Variants in ALMS1 observed in about 807,000 individuals in gnomAD.
ALMS1 encodes ALMS1 centrosome and basal body associated protein, also known as centrosome-associated protein ALMS1.
A neutral mutation model predicts 352.2 loss-of-function variants in ALMS1; 271 were observed. The observed-to-expected ratio is 0.77, with a 90% CI of 0.70 to 0.85. The LOEUF (loss-of-function observed/expected upper bound fraction) is 0.85. ALMS1 is among the 40% of genes least tolerant of loss of function. The pLI, the probability that ALMS1 is intolerant of heterozygous loss-of-function variation, is 0.00. For missense variants in ALMS1, 5,445 were observed against 4,870.7 expected, an observed-to-expected ratio of 1.12 and a Z score of -3.51; for synonymous variants, 1,865 against 1,761.2, an observed-to-expected ratio of 1.06 and a Z score of -1.48.
intron 15 of ALMS1, among the ~76,000 whole-genome samples, chr2:73,569,955 C>A (rs142316565): frequency 2.0e-5 from 3 of 152,302 alleles, no homozygotes; most frequent in Admixed American, 6.5e-5. Context: ...TTTAAAAAGA[C>A]TACTTTGACC....
chr2:73,585,397 T>G (rs1382991857), intron 16 of ALMS1, among the ~76,000 whole-genome samples: 15 of 148,996 alleles, frequency 1.0e-4, no homozygotes, highest in African/African-American at 3.7e-4. Context: ...ATGAGCTTTT[T>G]TTTTTTTTTT....
At chr2:73,485,089 T>G (rs1031915522) in intron 9 of ALMS1, among the ~76,000 whole-genome samples, 17 of 152,372 alleles carry the variant, frequency 1.1e-4, no homozygotes, top group African/African-American at 3.8e-4. Context: ...AAAGTCATTC[T>G]CCATCCAGCT....
At chr2:73,542,609 A>C (rs1196050833) in intron 12 of ALMS1, among the ~76,000 whole-genome samples, 1 of 152,220 alleles carries the variant, frequency 6.6e-6, no homozygotes, top group Non-Finnish European at 1.5e-5. Flanking sequence ...GTATATCTAG[A>C]AAACCCCATT....
At chr2:73,421,048 T>C (rs947163380) in intron 3 of ALMS1, among the ~76,000 whole-genome samples, 3 of 152,176 alleles carry the variant, frequency 2.0e-5, no homozygotes, top group African/African-American at 7.2e-5. Flanking sequence ...GATAATGTTG[T>C]ACACTTGAGA....
intron 9 of ALMS1, among the ~76,000 whole-genome samples, chr2:73,485,395 G>C (rs933012479): frequency 2.6e-5 from 4 of 152,228 alleles, no homozygotes; most frequent in Admixed American, 2.0e-4. Flanking sequence ...TCAGGGGTCA[G>C]GGGTCAGGGA....
intron 10 of ALMS1, among the ~76,000 whole-genome samples, chr2:73,495,630 T>C (rs995932027): frequency 6.6e-6 from 1 of 152,204 alleles, no homozygotes; most frequent in African/African-American, 2.4e-5. Flanking sequence ...GGGATGTTGC[T>C]GTGTCTAGCC....
intron 10 of ALMS1, among the ~76,000 whole-genome samples, chr2:73,492,459 A>G (rs1299932364): frequency 6.6e-6 from 1 of 152,190 alleles, no homozygotes; most frequent in African/African-American, 2.4e-5. Flanking sequence ...CAAGAGAAAG[A>G]GCATTCAAAT....
rs1553404066 is a variant in ALMS1 at position 73,451,940 on chromosome 2, TC to T, written c.5415del (p.Tyr1806ThrfsTer23). ...KTGVSTVTST[S>X]YSHREKPIVS... ...TGGGGTATCAACAGTAACCTCTACT[TC>T]CTACTCACACAGAGAGAAGCCCATT... On this transcript the variant is annotated frameshift_variant, in exon 8 of 23. Coordinates refer to ENST00000613296, the MANE Select transcript of ALMS1 (RefSeq NM_001378454.1). LOFTEE classifies it high-confidence loss of function. The T allele has an allele frequency of 6.2e-7, 1 of 1,614,070 alleles. No homozygotes were observed. Among genetic ancestry groups the T allele is most frequent in the East Asian group, 2.2e-5 (1 of 44,872 alleles).
intron 11 of ALMS1, among the ~76,000 whole-genome samples, chr2:73,521,627 G>A (rs936017752): frequency 2.7e-5 from 4 of 148,956 alleles, no homozygotes; most frequent in South Asian, 2.2e-4. Context: ...GCGGGTGCCT[G>A]TAGTCCCAGC....
chr2:73,565,321 G>C (rs1193194390), intron 15 of ALMS1, among the ~76,000 whole-genome samples: 1 of 152,124 alleles, frequency 6.6e-6, no homozygotes, highest in Admixed American at 6.5e-5. Context: ...TGGAACACAG[G>C]GACCAAGTAA....
chr2:73,530,627 G>A (rs558822293), intron 11 of ALMS1, among the ~76,000 whole-genome samples: 1 of 152,238 alleles, frequency 6.6e-6, no homozygotes, highest in Non-Finnish European at 1.5e-5. Context: ...ACTAGGCAGT[G>A]CCCAAGTAGG....
intron 13 of ALMS1, among the ~76,000 whole-genome samples, chr2:73,553,966 A>G (rs974719916): frequency 6.6e-6 from 1 of 152,190 alleles, no homozygotes; most frequent in East Asian, 1.9e-4. Context: ...AAATAAGGAT[A>G]TTGATCCTAG....
At chr2:73,588,315 A>C (rs989341275) in intron 16 of ALMS1, among the ~76,000 whole-genome samples, 8 of 151,644 alleles carry the variant, frequency 5.3e-5, no homozygotes, top group Admixed American at 3.9e-4. Flanking sequence ...ATCTCTTTGC[A>C]CTCTGTCTGT....
chr2:73,579,570 G>T lies in ALMS1; in HGVS notation c.11547+6146G>T, dbSNP rs1286007215. On this transcript the variant is annotated intron_variant, in intron 16 of 22. Coordinates refer to ENST00000613296, the MANE Select transcript of ALMS1 (RefSeq NM_001378454.1). ...AGACGTGGTTTCACCGTGTTGGCCAGGCTGGTCTTGAACTCCTGACCTCAG... is the reference window on the plus strand; with the variant it reads ...AGACGTGGTTTCACCGTGTTGGCCATGCTGGTCTTGAACTCCTGACCTCAG... Among the ~76,000 whole-genome samples, 3 of 152,224 alleles carry T rather than the reference G, an allele frequency of 2.0e-5. No individual in the cohort carries two copies. The East Asian group carries it at 5.8e-4, about 29-fold the overall frequency.
chr2:73,471,359 G>C (rs546726211), intron 9 of ALMS1, among the ~76,000 whole-genome samples: 1 of 151,180 alleles, frequency 6.6e-6, no homozygotes, highest in African/African-American at 2.4e-5. Flanking sequence ...TAATTAAAAA[G>C]CTTTTGCACA....
chr2:73,448,304 C>T lies in ALMS1; in HGVS notation c.1777C>T (p.His593Tyr), dbSNP rs554481224. 2 of 1,613,994 alleles carry T rather than the reference C, an allele frequency of 1.2e-6. No homozygotes were observed. The highest frequency in any genetic ancestry group is 1.3e-5 in the African/African-American group (1 of 75,022). ...CTACCAGCAGGGCTTGCCAGACAGT[C>T]ATCTAACTGAAGAGGCTTTGAAAGT... ...IFYQQGLPDS[H>Y]LTEEALKVSA... The change falls in exon 8 of 23, where the codon CAT becomes TAT. Residue 593 changes from histidine to tyrosine, a missense_variant. Transcript: ENST00000613296.
At chr2:73,597,694 C>T (rs1024556576) in intron 16 of ALMS1, among the ~76,000 whole-genome samples, 2 of 151,830 alleles carry the variant, frequency 1.3e-5, no homozygotes, top group African/African-American at 4.8e-5. Context: ...GAAACTGACA[C>T]AAAGAGGTTA....
chr2:73,404,881 A>G (rs1349501160), intron 1 of ALMS1, among the ~76,000 whole-genome samples: 4 of 130,030 alleles, frequency 3.1e-5, no homozygotes, highest in Non-Finnish European at 4.7e-5. Flanking sequence ...TCTCCAGTGA[A>G]GCTTTCTTGT....
At position 73,419,351 on chromosome 2, in the gene ALMS1, C is replaced by G. The variant is rs17009027; in HGVS notation, c.646+33C>G. 6.5e-3 allele frequency: 10,382 copies of G among 1,597,612 alleles called. 571 individuals are homozygous for G. In the African/African-American group the frequency reaches 0.12, roughly 18 times the overall value. ...CTGTTTATTTTAACTAGTAGTAATACCTCACATTTGTAAGTTTTGCGGGGA... is the reference window on the plus strand; with the variant it reads ...CTGTTTATTTTAACTAGTAGTAATAGCTCACATTTGTAAGTTTTGCGGGGA... On this transcript the variant is annotated intron_variant, in intron 3 of 22. Transcript: ENST00000613296.
Sources: allele counts gnomAD v4.1 joint callset (sites outside exome capture counted in the v4.1 genomes callset), GRCh38; gene constraint gnomAD v4.1.1; transcripts MANE v1.5; gene names NCBI Gene and HGNC (gene_info 2026-07-23, HGNC 2026-07-21).